The following PEBP4 variants were observed in gnomAD, a reference collection of about 807,000 sequenced individuals.
The protein encoded by PEBP4 is phosphatidylethanolamine-binding protein 4.
PEBP4 carries 22 observed loss-of-function variants against 23.9 expected under a neutral mutation model. That is an observed-to-expected ratio of 0.92 (90% CI 0.66 to 1.31). The LOEUF is 1.31. Among genes scored for constraint, PEBP4 ranks in the 40% most tolerant of loss-of-function variants. PEBP4 has a pLI of 0.00. For missense variants in PEBP4, 324 were observed against 281.7 expected, an observed-to-expected ratio of 1.15 and a Z score of -1.07; for synonymous variants, 112 against 99.3, an observed-to-expected ratio of 1.13 and a Z score of -0.76.
chr8:22,726,286 G>A (rs1051207959), intron 5 of PEBP4, among the ~76,000 whole-genome samples: 4 of 152,344 alleles, frequency 2.6e-5, no homozygotes, highest in East Asian at 1.9e-4. Flanking sequence ...GGTATGGAGG[G>A]CAGATGGGAC....
At chr8:22,781,201 C>T (rs1220346702) in intron 4 of PEBP4, among the ~76,000 whole-genome samples, 1 of 152,216 alleles carries the variant, frequency 6.6e-6, no homozygotes, top group African/African-American at 2.4e-5. Context: ...GGTACCCTGT[C>T]CTGCCCACCA....
At chr8:22,736,284 T>C (rs1237176195) in intron 4 of PEBP4, among the ~76,000 whole-genome samples, 4 of 152,108 alleles carry the variant, frequency 2.6e-5, no homozygotes, top group Admixed American at 1.3e-4. Flanking sequence ...ACACAATATA[T>C]AGTCTTATTA....
intron 4 of PEBP4, among the ~76,000 whole-genome samples, chr8:22,728,423 T>C (rs1804660395): frequency 6.6e-6 from 1 of 152,204 alleles, no homozygotes; most frequent in African/African-American, 2.4e-5. Flanking sequence ...AGCAGGAGAC[T>C]GTGGAAGGAT....
chr8:22,846,409 G>C (rs186968183), intron 3 of PEBP4, among the ~76,000 whole-genome samples: 4 of 152,302 alleles, frequency 2.6e-5, no homozygotes, highest in Admixed American at 6.5e-5. Context: ...GATTGGGAGA[G>C]AATCTGGTGG....
chr8:22,722,459 C>A (rs919167350), intron 6 of PEBP4, among the ~76,000 whole-genome samples: 2 of 152,198 alleles, frequency 1.3e-5, no homozygotes, highest in African/African-American at 4.8e-5. Context: ...ACCTTTATAT[C>A]CTCTCTGGCT....
intron 4 of PEBP4, among the ~76,000 whole-genome samples, chr8:22,743,541 TGG>T (rs1805045175): frequency 6.6e-6 from 1 of 151,900 alleles, no homozygotes; most frequent in Non-Finnish European, 1.5e-5. Context: ...CTGTTTGGAG[TGG>T]GGGCTAAATG....
intron 4 of PEBP4, among the ~76,000 whole-genome samples, chr8:22,813,816 T>C (rs559660188): frequency 2.7e-4 from 41 of 152,274 alleles, no homozygotes; most frequent in African/African-American, 9.6e-4. Flanking sequence ...CCTGGCCAGG[T>C]TCGGAGACTG....
chr8:22,862,725 C>G (rs980864492), intron 3 of PEBP4, among the ~76,000 whole-genome samples: 1 of 151,974 alleles, frequency 6.6e-6, no homozygotes, highest in Non-Finnish European at 1.5e-5. Flanking sequence ...AAGTCACAAC[C>G]TCCCTATGGC....
intron 3 of PEBP4, among the ~76,000 whole-genome samples, chr8:22,908,397 A>AAAC (rs1563257227): frequency 3.5e-4 from 52 of 149,502 alleles, no homozygotes; most frequent in African/African-American, 9.3e-4. Flanking sequence ...AACAAACAAA[A>AAAC]AAAAAAACCT....
At chr8:22,737,419 C>A (rs1212434069) in intron 4 of PEBP4, among the ~76,000 whole-genome samples, 1 of 152,176 alleles carries the variant, frequency 6.6e-6, no homozygotes, top group Non-Finnish European at 1.5e-5. Context: ...GAAGGGGGAC[C>A]CACCTCTTGC....
intron 3 of PEBP4, among the ~76,000 whole-genome samples, chr8:22,898,414 A>ACC (rs1808638267): frequency 6.9e-6 from 1 of 145,574 alleles, no homozygotes; most frequent in Non-Finnish European, 1.5e-5. Flanking sequence ...AAAAAAAAAA[A>ACC]AAAAAAAAAA....
intron 3 of PEBP4, among the ~76,000 whole-genome samples, chr8:22,855,054 GGAAA>G (rs1189805419): frequency 6.7e-6 from 1 of 149,208 alleles, no homozygotes; most frequent in Non-Finnish European, 1.5e-5. Flanking sequence ...ATGCACCCCA[GGAAA>G]GAAAGGCGTT....
At chr8:22,727,042 G>A (rs189848708) in intron 5 of PEBP4, 133 bp downstream of exon 5, 25 of 926,498 alleles carry the variant, frequency 2.7e-5, no homozygotes, top group African/African-American at 4.9e-5. Context: ...CAGTTGTGGA[G>A]ATGAAATCAG....
At chr8:22,782,403 T>C (rs887446147) in intron 4 of PEBP4, among the ~76,000 whole-genome samples, 1 of 152,172 alleles carries the variant, frequency 6.6e-6, no homozygotes, top group African/African-American at 2.4e-5. Flanking sequence ...TAAGCATGGT[T>C]CAAGTCCTTG....
chr8:22,877,341 A>T (rs748575786), intron 3 of PEBP4, among the ~76,000 whole-genome samples: 1 of 152,106 alleles, frequency 6.6e-6, no homozygotes, highest in Non-Finnish European at 1.5e-5. Context: ...CCATGTTTTG[A>T]TTCTGAGGTC....
At chr8:22,853,628 A>G (rs1175349949) in intron 3 of PEBP4, among the ~76,000 whole-genome samples, 1 of 152,146 alleles carries the variant, frequency 6.6e-6, no homozygotes, top group Non-Finnish European at 1.5e-5. Flanking sequence ...CAATTCTACA[A>G]CTTGCCTCAC....
intron 4 of PEBP4, among the ~76,000 whole-genome samples, chr8:22,791,042 G>A (rs1806126522): frequency 6.6e-6 from 1 of 152,144 alleles, no homozygotes; most frequent in Admixed American, 6.5e-5. Flanking sequence ...CCTTTGATAG[G>A]CCAGAAGACC....
intron 4 of PEBP4, among the ~76,000 whole-genome samples, chr8:22,769,666 C>T (rs1805679879): frequency 6.6e-6 from 1 of 152,172 alleles, no homozygotes; most frequent in Non-Finnish European, 1.5e-5. Flanking sequence ...GCCTCTTTCT[C>T]CTTTATCACC....
intron 3 of PEBP4, among the ~76,000 whole-genome samples, chr8:22,851,948 CGGGCCAGCT>C (rs1807560799): frequency 6.6e-6 from 1 of 152,088 alleles, no homozygotes; most frequent in Admixed American, 6.5e-5. Flanking sequence ...AGCTGAGCCA[CGGGCCAGCT>C]GGGATCAGCT....
Sources: allele counts gnomAD v4.1 joint callset (sites outside exome capture counted in the v4.1 genomes callset), GRCh38; gene constraint gnomAD v4.1.1; transcripts MANE v1.5; gene names NCBI Gene and HGNC (gene_info 2026-07-23, HGNC 2026-07-21).